ASNS: variants seen among roughly 807,000 people sequenced by gnomAD.
ASNS encodes asparagine synthetase [glutamine-hydrolyzing].
Under a neutral mutation model 62.6 loss-of-function variants are expected in ASNS, and 37 were observed. That is an observed-to-expected ratio of 0.59 (90% CI 0.45 to 0.78). The LOEUF is 0.78. Ranked by LOEUF, ASNS falls within the 30% of genes least tolerant of loss-of-function variation. The probability of loss-of-function intolerance (pLI) is 0.00; values close to 1 mark genes in which losing one functional copy is unlikely to be tolerated. For missense variants in ASNS, 520 were observed against 682.4 expected, an observed-to-expected ratio of 0.76 and a Z score of 2.65; for synonymous variants, 207 against 237.9, an observed-to-expected ratio of 0.87 and a Z score of 1.19.
the ASNS span, among the ~76,000 whole-genome samples, chr7:97,897,814 T>G: frequency 6.6e-6 from 1 of 152,182 alleles, no homozygotes; most frequent in African/African-American, 2.4e-5. Context: ...CCATATTTAC[T>G]GCAGCACTAT....
At chr7:97,859,162 AT>A (rs1478440905) in intron 5 of ASNS, 50 bp downstream of exon 5, 3 of 1,548,676 alleles carry the variant, frequency 1.9e-6, no homozygotes, top group Admixed American at 4.2e-5. Context: ...ACAACTTAAA[AT>A]TTTTTTCCCT....
upstream of ASNS, among the ~76,000 whole-genome samples, chr7:97,874,181 T>A (rs1792388084): frequency 6.6e-6 from 1 of 152,190 alleles, no homozygotes; most frequent in Admixed American, 6.5e-5. Flanking sequence ...CTCAGGGACG[T>A]TCCATGCTGA....
At chr7:97,871,225 T>G (rs1013586544) in intron 1 of ASNS, among the ~76,000 whole-genome samples, 1 of 152,222 alleles carries the variant, frequency 6.6e-6, no homozygotes, top group African/African-American at 2.4e-5. Context: ...TTCTTCCTAC[T>G]CCAACGACAA....
the ASNS span, among the ~76,000 whole-genome samples, chr7:97,889,796 C>A: frequency 3.3e-5 from 5 of 151,148 alleles, no homozygotes; most frequent in South Asian, 8.3e-4. Flanking sequence ...AACATAACAT[C>A]TCCAAAGAAG....
At position 97,868,900 on chromosome 7, in the gene ASNS, C is replaced by G; in HGVS notation, c.249+8G>C. 6.2e-7 allele frequency: 1 copy of G among 1,612,826 alleles called. No individual in the cohort carries two copies. The highest frequency in any genetic ancestry group is 8.5e-7 in the Non-Finnish European group (1 of 1,179,430). ...TCGCATCCAGACATCTGGTTTCTTT[C>G]TCCTCACCTTCTTATGGTTGTAGAT... On this transcript the variant is annotated splice_region_variant and intron_variant, in intron 3 of 12. Coordinates refer to ENST00000394308, the MANE Select transcript of ASNS (RefSeq NM_001673.5).
intron 3 of ASNS, among the ~76,000 whole-genome samples, chr7:97,866,803 T>G (rs1791995971): frequency 6.6e-6 from 1 of 152,214 alleles, no homozygotes; most frequent in Non-Finnish European, 1.5e-5. Flanking sequence ...TTGCCTCCAG[T>G]GACTACAAAG....
chr7:97,856,149 G>T (rs955104322), intron 8 of ASNS, among the ~76,000 whole-genome samples: 24 of 152,128 alleles, frequency 1.6e-4, no homozygotes, highest in African/African-American at 5.6e-4. Context: ...TGCCTTCCAA[G>T]GCAAGTCTCT....
chr7:97,869,036 T>G lies in ASNS; in HGVS notation c.121A>C (p.Thr41Pro). The part of the protein sequence containing the change: ...AFRFENVNGY[T>P]NCCFGFHRLA... ...CGGTGAAATCCAAAGCAGCAGTTGG[T>G]GTATCCATTGACATTCTCAAAACGG... is the stretch of plus-strand genomic sequence containing the variant. Residue 41 changes from threonine (T) to proline (P), a missense_variant, in exon 3 of 13, where the codon ACC (threonine) becomes CCC (proline). Coordinates refer to ENST00000394308, the MANE Select transcript of ASNS (RefSeq NM_001673.5). The G allele has an allele frequency of 6.2e-7, 1 of 1,614,232 alleles. No homozygotes were observed. The highest frequency in any genetic ancestry group is 8.5e-7 in the Non-Finnish European group (1 of 1,180,048).
chr7:97,868,275 T>G (rs1792069804), intron 3 of ASNS, among the ~76,000 whole-genome samples: 1 of 152,172 alleles, frequency 6.6e-6, no homozygotes, highest in South Asian at 2.1e-4. Flanking sequence ...ACCACTGCAC[T>G]CCAGCCTGGG....
rs63404060 is a variant in ASNS, at chr7:97,869,822, A to G, written c.-59-9T>C. 208 of 38,984 alleles carry G rather than the reference A, an allele frequency of 5.3e-3. 1 individual carries two copies. The South Asian group carries it at 0.13, about 25-fold the overall frequency. The allele number at this position is 38,984 out of a possible 1,614,324, so 2.4% of individuals were successfully genotyped here. A position where few individuals can be genotyped will look rare whatever the true frequency, so the allele number is the denominator to read the frequency against. On this transcript the variant is annotated splice_polypyrimidine_tract_variant and intron_variant, in intron 1 of 12. Coordinates refer to ENST00000394308, the MANE Select transcript of ASNS (RefSeq NM_001673.5). Reference sequence around the variant, plus strand: ...ATGTGATTGAAGAAAATCTAAAGGGAAAAAAAAAACAATTTAATTTGATAT... The same window carrying G: ...ATGTGATTGAAGAAAATCTAAAGGGGAAAAAAAAACAATTTAATTTGATAT...
the ASNS span, among the ~76,000 whole-genome samples, chr7:97,896,570 C>G: frequency 0.015 from 2,043 of 136,492 alleles, 32 homozygotes; most frequent in Non-Finnish European, 0.024. Context: ...GCACTCCAGC[C>G]TCGGCGACAG....
chr7:97,857,794 C>CT (rs963552406), intron 7 of ASNS, among the ~76,000 whole-genome samples: 41 of 149,310 alleles, frequency 2.7e-4, no homozygotes, highest in East Asian at 5.9e-4. Context: ...CCTTTACTTT[C>CT]TTTTTTTTTT....
rs1791222499 is a variant in ASNS, at chr7:97,852,374, C to T, written c.1571G>A (p.Arg524His). ...EGYYYRQVFERHYPGRADWLS... is the reference protein window; with the variant it reads ...EGYYYRQVFEHHYPGRADWLS... ...CCAGTCAGCCCGGCCTGGGTAATGG[C>T]GTTCAAAGACTTGACGGTAGTAATA... The change falls in exon 13 of 13, where the codon CGC (arginine) becomes CAC (histidine). Residue 524 changes from arginine to histidine, a missense_variant. Arg to His is a conservative substitution (Grantham distance 29). Coordinates refer to ENST00000394308, the MANE Select transcript of ASNS (RefSeq NM_001673.5). 4 of 1,614,108 alleles carry T rather than the reference C, an allele frequency of 2.5e-6. No homozygotes were observed. Among genetic ancestry groups the T allele is most frequent in the South Asian group, 2.2e-5 (2 of 91,074 alleles).
intron 3 of ASNS, 113 bp downstream of exon 3, chr7:97,868,795 G>T (rs1562823138): frequency 1.4e-6 from 2 of 1,453,636 alleles, no homozygotes; most frequent in Non-Finnish European, 1.9e-6. Context: ...ATGAGATAAC[G>T]AACATAGAGT....
chr7:97,913,802 C>G, the ASNS span, among the ~76,000 whole-genome samples: 7 of 148,252 alleles, frequency 4.7e-5, no homozygotes, highest in South Asian at 1.5e-3. Flanking sequence ...GAAGGACAAG[C>G]AGTGGATGGA....
the ASNS span, chr7:97,928,284 C>A: frequency 5.9e-6 from 9 of 1,513,778 alleles, no homozygotes; most frequent in Non-Finnish European, 7.1e-6. Flanking sequence ...TTTGGAGCTG[C>A]CGGAAGGGCT....
upstream of ASNS, among the ~76,000 whole-genome samples, chr7:97,874,395 A>G (rs1792396908): frequency 6.6e-6 from 1 of 152,226 alleles, no homozygotes; most frequent in African/African-American, 2.4e-5. Context: ...ACTTAACGCA[A>G]TTATTACAGG....
the ASNS span, among the ~76,000 whole-genome samples, chr7:97,918,808 A>AG: frequency 6.6e-6 from 1 of 152,164 alleles, no homozygotes; most frequent in African/African-American, 2.4e-5. Context: ...GGAGAGCGTT[A>AG]GGACAAATAC....
upstream of ASNS, among the ~76,000 whole-genome samples, chr7:97,877,499 C>A (rs1792466513): frequency 6.6e-6 from 1 of 152,204 alleles, no homozygotes; most frequent in African/African-American, 2.4e-5. Context: ...AGGGTCTGGG[C>A]AGGGTTTAAC....
Sources: gnomAD v4.1 joint callset for allele counts (sites outside exome capture counted in the v4.1 genomes callset) on GRCh38, gnomAD v4.1.1 for gene constraint, MANE v1.5 for transcripts, NCBI Gene and HGNC (gene_info 2026-07-23, HGNC 2026-07-21) for gene names.